Variants in TMEM132D observed in about 807,000 individuals in gnomAD.
TMEM132D encodes mature OL transmembrane protein.
In TMEM132D, 21 loss-of-function variants were observed where a neutral mutation model predicts 62.3. That is an observed-to-expected ratio of 0.34 (90% CI 0.24 to 0.49). The LOEUF (loss-of-function observed/expected upper bound fraction) is 0.49, where lower values mean the gene tolerates loss of function less well. Ranked by LOEUF, TMEM132D falls within the 20% of genes least tolerant of loss-of-function variation. The pLI is 0.99. For synonymous variants in TMEM132D, 621 were observed against 575.6 expected, an observed-to-expected ratio of 1.08 and a Z score of -1.13; for missense variants, 1,346 against 1,402.8, an observed-to-expected ratio of 0.96 and a Z score of 0.65.
Position 129,096,477 on chromosome 12 carries a change from G to T in TMEM132D, c.1444-11775C>A, listed in dbSNP as rs190838790. On this transcript the variant is annotated intron_variant, in intron 5 of 8. Coordinates refer to ENST00000422113, the MANE Select transcript of TMEM132D (RefSeq NM_133448.3). Reference sequence around the variant, plus strand: ...CGGAGGGGTCTGGAGCAAAGACTGGGTGTTCAGGGAGGAGCCCCACTTTGG... The same window carrying T: ...CGGAGGGGTCTGGAGCAAAGACTGGTTGTTCAGGGAGGAGCCCCACTTTGG... Among the ~76,000 whole-genome samples the T allele has an allele frequency of 9.8e-5, 15 of 152,314 alleles. No homozygotes were observed. In the South Asian group the frequency reaches 2.1e-3, roughly 21 times the overall value.
At chr12:129,791,522 T>A (rs924225777) in intron 1 of TMEM132D, among the ~76,000 whole-genome samples, 3 of 152,142 alleles carry the variant, frequency 2.0e-5, no homozygotes, top group Non-Finnish European at 4.4e-5. Flanking sequence ...TGAAAAAATT[T>A]TAAATGCCTT....
chr12:129,772,861 C>T (rs1870799620), intron 1 of TMEM132D, among the ~76,000 whole-genome samples: 1 of 152,244 alleles, frequency 6.6e-6, no homozygotes, highest in Non-Finnish European at 1.5e-5. Flanking sequence ...CAACTCCTGG[C>T]TCGGACTTCC....
intron 2 of TMEM132D, among the ~76,000 whole-genome samples, chr12:129,621,379 C>A (rs1879062369): frequency 6.6e-6 from 1 of 152,110 alleles, no homozygotes; most frequent in Admixed American, 6.5e-5. Context: ...AGCTCAGCAC[C>A]GCCACCCTCC....
rs528768484 is a variant in TMEM132D at position 129,377,283 on chromosome 12, A to G, written c.1116-39466T>C. ...CCTTGATTTTGGCCTTCCAGCCTCC[A>G]GAACTGTGAGAAAATAAACTCCTGT... On this transcript the variant is annotated intron_variant, in intron 3 of 8. Transcript: ENST00000422113. 4.1e-4 allele frequency among the ~76,000 whole-genome samples: 62 copies of G among 152,288 alleles called. 1 individual carries two copies. Among genetic ancestry groups the G allele is most frequent in the Admixed American group, 5.2e-4 (8 of 15,300 alleles).
chr12:129,400,562 G>A (rs1350982876), intron 3 of TMEM132D, among the ~76,000 whole-genome samples: 2 of 152,064 alleles, frequency 1.3e-5, no homozygotes. Context: ...TGCCAGACAC[G>A]GTCCTCCATC....
chr12:129,144,468 A>G (rs759125358), intron 5 of TMEM132D, among the ~76,000 whole-genome samples: 1 of 152,194 alleles, frequency 6.6e-6, no homozygotes, highest in Non-Finnish European at 1.5e-5. Flanking sequence ...CAAGCTAGTC[A>G]TGTGGTTAAA....
chr12:129,447,490 G>C (rs998988122), intron 3 of TMEM132D, among the ~76,000 whole-genome samples: 4 of 152,126 alleles, frequency 2.6e-5, no homozygotes, highest in Non-Finnish European at 5.9e-5. Context: ...GCCTGCCGAG[G>C]GCTCCGCATC....
intron 3 of TMEM132D, among the ~76,000 whole-genome samples, chr12:129,368,590 T>C (rs902227110): frequency 1.3e-5 from 2 of 152,016 alleles, no homozygotes; most frequent in African/African-American, 2.4e-5. Flanking sequence ...ATTATTATTA[T>C]TTTTTTTACA....
rs200230496 is a variant in TMEM132D at position 129,503,980 on chromosome 12, GTCATCA to G, written c.1115+27073_1115+27078del. ...CACTATTGTCATCATCATCACTATTGTCATCATCATCATTATTGTCATCATTACTGT... is the reference window on the plus strand; with the variant it reads ...CACTATTGTCATCATCATCACTATTGTCATCATTATTGTCATCATTACTGT... On this transcript the variant is annotated intron_variant, in intron 3 of 8. Coordinates refer to ENST00000422113, the MANE Select transcript of TMEM132D (RefSeq NM_133448.3). 2.1e-3 allele frequency among the ~76,000 whole-genome samples: 307 copies of G among 143,086 alleles called. 3 individuals carry two copies. The highest frequency in any genetic ancestry group is 9.4e-3 in the South Asian group (42 of 4,482). 93.9% of individuals were successfully genotyped at this position (143,086 alleles called of 152,430 possible). A position where few individuals can be genotyped will look rare whatever the true frequency, so the allele number is the denominator to read the frequency against.
intron 1 of TMEM132D, among the ~76,000 whole-genome samples, chr12:129,705,931 G>A (rs1406309433): frequency 1.3e-5 from 2 of 152,088 alleles, no homozygotes; most frequent in Non-Finnish European, 2.9e-5. Flanking sequence ...GATATCAGTA[G>A]ATATGGCTTT....
At chr12:129,655,168 C>T (rs1373244914) in intron 2 of TMEM132D, among the ~76,000 whole-genome samples, 4 of 151,300 alleles carry the variant, frequency 2.6e-5, no homozygotes, top group African/African-American at 7.3e-5. Context: ...AGGAGGCTCC[C>T]GATCTCTTGA....
intron 3 of TMEM132D, among the ~76,000 whole-genome samples, chr12:129,338,282 G>A (rs1460037316): frequency 6.6e-6 from 1 of 152,092 alleles, no homozygotes; most frequent in Non-Finnish European, 1.5e-5. Flanking sequence ...TGTGTTATTG[G>A]CAGTGATAAG....
chr12:129,134,130 GTGTCTGTGTGTGTGTGTC>G (rs1366437664), intron 5 of TMEM132D, among the ~76,000 whole-genome samples: 3 of 142,118 alleles, frequency 2.1e-5, no homozygotes, highest in East Asian at 4.3e-4. Flanking sequence ...GTGTGTGTGT[GTGTCTGTGTGTGTGTGTC>G]TGTGTCTGTG....
intron 3 of TMEM132D, among the ~76,000 whole-genome samples, chr12:129,362,406 A>C (rs1870275852): frequency 6.7e-6 from 1 of 148,932 alleles, no homozygotes; most frequent in Non-Finnish European, 1.5e-5. Context: ...CTCTTGGAGC[A>C]GCCCCCACCC....
intron 4 of TMEM132D, among the ~76,000 whole-genome samples, chr12:129,282,854 G>A (rs973661169): frequency 1.3e-5 from 2 of 152,160 alleles, no homozygotes; most frequent in African/African-American, 2.4e-5. Flanking sequence ...AACTATGATT[G>A]CTGGACTGGT....
intron 5 of TMEM132D, among the ~76,000 whole-genome samples, chr12:129,104,852 T>C (rs10847767): frequency 0.68 from 88,963 of 131,172 alleles, 31,512 homozygotes; most frequent in African/African-American, 0.85. Context: ...GATACCATCT[T>C]ACACCAGTTA....
At chr12:129,472,028 C>G (rs573920153) in intron 3 of TMEM132D, among the ~76,000 whole-genome samples, 1 of 152,354 alleles carries the variant, frequency 6.6e-6, no homozygotes, top group African/African-American at 2.4e-5. Context: ...CAAAGTGAAG[C>G]AGCAAGTGCT....
chr12:129,666,788 T>G (rs113346661), intron 2 of TMEM132D, among the ~76,000 whole-genome samples: 4 of 152,320 alleles, frequency 2.6e-5, no homozygotes, highest in African/African-American at 9.6e-5. Context: ...CATTGTAACA[T>G]GAAATTGAGT....
At chr12:129,728,368 G>A (rs1165415735) in intron 1 of TMEM132D, among the ~76,000 whole-genome samples, 1 of 152,126 alleles carries the variant, frequency 6.6e-6, no homozygotes, top group African/African-American at 2.4e-5. Flanking sequence ...TTGCTTCTGA[G>A]TGAGAACAGC....
Sources: allele counts gnomAD v4.1 joint callset (sites outside exome capture counted in the v4.1 genomes callset), GRCh38; gene constraint gnomAD v4.1.1; transcripts MANE v1.5; gene names NCBI Gene and HGNC (gene_info 2026-07-23, HGNC 2026-07-21).